TMTC2: variants seen among roughly 807,000 people sequenced by gnomAD.
TMTC2 encodes protein O-mannosyl-transferase TMTC2.
A neutral mutation model predicts 82.4 loss-of-function variants in TMTC2; 43 were observed. That is an observed-to-expected ratio of 0.52 (90% confidence interval 0.41 to 0.67). The LOEUF is 0.67. Ranked by LOEUF, TMTC2 falls within the 30% of genes least tolerant of loss-of-function variation. The probability of loss-of-function intolerance (pLI) is 0.00; values close to 1 mark genes in which losing one functional copy is unlikely to be tolerated. For synonymous variants in TMTC2, 408 were observed against 381.9 expected (o/e 1.07, Z -0.80); for missense variants, 919 against 1,012.4 (o/e 0.91, Z 1.25).
intron 1 of TMTC2, among the ~76,000 whole-genome samples, chr12:82,708,809 A>G (rs938806199): frequency 6.6e-6 from 1 of 152,150 alleles, no homozygotes; most frequent in Non-Finnish European, 1.5e-5. Context: ...CTGTGCTTCA[A>G]TGTGCTCTCC....
chr12:82,691,601 T>A (rs898434404), intron 1 of TMTC2, among the ~76,000 whole-genome samples: 1 of 152,152 alleles, frequency 6.6e-6, no homozygotes, highest in African/African-American at 2.4e-5. Flanking sequence ...GATCTTTTAA[T>A]GTTATTGTTA....
rs527733160 is a variant in TMTC2 at position 82,860,161 on chromosome 12, G to A, written c.654+2581G>A. On this transcript the variant is annotated intron_variant, in intron 2 of 11. Coordinates refer to ENST00000321196, the MANE Select transcript of TMTC2 (RefSeq NM_152588.3). ...GCTAATTTTTGTATTTTTAGTAGAG[G>A]CCAGGTTTCACCATGTTGGCCAGGA... Among the ~76,000 whole-genome samples the A allele has an allele frequency of 3.4e-3, 484 of 141,908 alleles. 2 individuals are homozygous for A. The highest frequency in any genetic ancestry group is 0.013 in the African/African-American group (422 of 32,126). 93.1% of individuals were successfully genotyped at this position (141,908 alleles called of 152,430 possible). A position where few individuals can be genotyped will look rare whatever the true frequency, so the allele number is the denominator to read the frequency against.
intron 9 of TMTC2, among the ~76,000 whole-genome samples, chr12:83,037,904 A>G (rs1438361821): frequency 6.6e-6 from 1 of 152,162 alleles, no homozygotes; most frequent in East Asian, 1.9e-4. Flanking sequence ...AAAATAAAAG[A>G]TCAATCTACT....
Position 82,745,575 on chromosome 12 carries a change from G to C in TMTC2, c.83+57906G>C, listed in dbSNP as rs1875646928. Among the ~76,000 whole-genome samples, 3 of 152,166 alleles carry C rather than the reference G, an allele frequency of 2.0e-5. No individual in the cohort carries two copies. The South Asian group carries it at 6.2e-4, about 32-fold the overall frequency. ...CAGTAGCTTAAAATGTTCATTACCA[G>C]TAAACATTGTACATTAGCAGACAAG... On this transcript the variant is annotated intron_variant, in intron 1 of 11. Transcript: ENST00000321196.
At chr12:82,822,200 C>T (rs576412376) in intron 1 of TMTC2, among the ~76,000 whole-genome samples, 79 of 152,282 alleles carry the variant, frequency 5.2e-4, no homozygotes, top group African/African-American at 1.9e-3. Context: ...ATTTTTAGGG[C>T]AGTGGAACTA....
chr12:82,755,878 G>A (rs1876292720), intron 1 of TMTC2, among the ~76,000 whole-genome samples: 1 of 151,680 alleles, frequency 6.6e-6, no homozygotes, highest in Admixed American at 6.6e-5. Flanking sequence ...AATAAAATAG[G>A]GGTTTTTATC....
In TMTC2 at chr12:82,913,408, G is replaced by C. The variant is rs1323329977; in HGVS notation, c.1483+16762G>C. On this transcript the variant is annotated intron_variant, in intron 3 of 11. Coordinates refer to ENST00000321196, the MANE Select transcript of TMTC2 (RefSeq NM_152588.3). ...CAGACATTTACTTTTGAGGTTTTAA[G>C]TTAAAAATTAGGGTTTAAAGAAGTA... is the stretch of plus-strand genomic sequence containing the variant. Among the ~76,000 whole-genome samples the C allele has an allele frequency of 3.3e-5, 5 of 152,094 alleles. No individual in the cohort carries two copies. In the East Asian group the frequency reaches 9.6e-4, roughly 29 times the overall value.
intron 7 of TMTC2, among the ~76,000 whole-genome samples, chr12:82,979,659 G>A (rs1878835368): frequency 6.6e-6 from 1 of 151,646 alleles, no homozygotes; most frequent in African/African-American, 2.4e-5. Context: ...ATAATATTCT[G>A]TGTTTTTCTC....
chr12:82,731,042 T>C (rs1223898513), intron 1 of TMTC2, among the ~76,000 whole-genome samples: 1 of 152,248 alleles, frequency 6.6e-6, no homozygotes, highest in Non-Finnish European at 1.5e-5. Context: ...AGCTATGTAA[T>C]GTGCACATGT....
intron 1 of TMTC2, among the ~76,000 whole-genome samples, chr12:82,749,994 A>G (rs979165281): frequency 6.6e-6 from 1 of 151,752 alleles, no homozygotes; most frequent in South Asian, 2.1e-4. Context: ...TGCCTCGGCC[A>G]CCCAAAGTGC....
intron 10 of TMTC2, among the ~76,000 whole-genome samples, chr12:83,052,823 G>C (rs866608011): frequency 3.3e-4 from 50 of 152,070 alleles, no homozygotes; most frequent in African/African-American, 1.0e-3. Flanking sequence ...TGGCAGTGAG[G>C]AAATCTTTAG....
intron 1 of TMTC2, among the ~76,000 whole-genome samples, chr12:82,777,040 C>T (rs1361961894): frequency 6.6e-6 from 1 of 152,172 alleles, no homozygotes; most frequent in Non-Finnish European, 1.5e-5. Context: ...CTGAGTTGCA[C>T]AGCTCTAGGG....
At chr12:83,107,164 A>G (rs555013336) in intron 11 of TMTC2, among the ~76,000 whole-genome samples, 1 of 152,338 alleles carries the variant, frequency 6.6e-6, no homozygotes, top group Admixed American at 6.5e-5. Context: ...CTGACAGGGA[A>G]GCTCAGTGGA....
intron 3 of TMTC2, among the ~76,000 whole-genome samples, chr12:82,900,772 GTA>G (rs201058217): frequency 0.067 from 7,951 of 118,178 alleles, 551 homozygotes; most frequent in Non-Finnish European, 0.093. Flanking sequence ...ATATAGAGAG[GTA>G]TATATATAGG....
intron 2 of TMTC2, among the ~76,000 whole-genome samples, chr12:82,883,798 T>G (rs1872956067): frequency 6.6e-6 from 1 of 152,210 alleles, no homozygotes; most frequent in South Asian, 2.1e-4. Context: ...ATTAGTTGTC[T>G]TCTTCTTAAA....
intron 2 of TMTC2, among the ~76,000 whole-genome samples, chr12:82,865,730 A>T (rs1473030489): frequency 2.0e-5 from 3 of 152,198 alleles, no homozygotes; most frequent in Non-Finnish European, 4.4e-5. Context: ...ACCACACCGC[A>T]CTTATTCCAA....
chr12:82,806,305 T>A (rs11115433), intron 1 of TMTC2, among the ~76,000 whole-genome samples: 20,708 of 152,094 alleles, frequency 0.14, 1,690 homozygotes, highest in African/African-American at 0.21. Flanking sequence ...ACAGTAAACT[T>A]GAAATTACTT....
chr12:82,870,311 C>G (rs575058826), intron 2 of TMTC2, among the ~76,000 whole-genome samples: 2 of 152,280 alleles, frequency 1.3e-5, no homozygotes, highest in South Asian at 4.1e-4. Context: ...AGCTTGATTT[C>G]AGCTCACATT....
intron 8 of TMTC2, among the ~76,000 whole-genome samples, chr12:82,997,271 G>A (rs561952047): frequency 2.4e-5 from 3 of 127,336 alleles, no homozygotes; most frequent in South Asian, 2.8e-4. Flanking sequence ...ATTTATATAG[G>A]TGTATATAAC....
Sources: gnomAD v4.1 joint callset for allele counts (sites outside exome capture counted in the v4.1 genomes callset) on GRCh38, gnomAD v4.1.1 for gene constraint, MANE v1.5 for transcripts, NCBI Gene and HGNC (gene_info 2026-07-23, HGNC 2026-07-21) for gene names.